The following MAML2 variants were observed in gnomAD, a reference collection of about 807,000 sequenced individuals.
MAML2 encodes the protein mastermind-like protein 2.
A neutral mutation model predicts 96.1 loss-of-function variants in MAML2; 22 were observed. The ratio of observed to expected loss-of-function variants is 0.23; its 90% CI spans 0.16 to 0.33. The LOEUF (loss-of-function observed/expected upper bound fraction) is 0.33. MAML2 is among the 10% of genes least tolerant of loss of function. MAML2 has a pLI of 1.00. For missense variants in MAML2, 1,367 were observed against 1,392.4 expected, an observed-to-expected ratio of 0.98 and a Z score of 0.29; for synonymous variants, 561 against 521.3, an observed-to-expected ratio of 1.08 and a Z score of -1.04.
At chr11:96,210,202 T>C (rs112641965) in intron 1 of MAML2, among the ~76,000 whole-genome samples, 8,582 of 152,200 alleles carry the variant, frequency 0.056, 783 homozygotes, top group African/African-American at 0.2. Context: ...CTCCACCTCC[T>C]GAGTTCAAGC....
intron 1 of MAML2, among the ~76,000 whole-genome samples, chr11:96,316,457 A>G (rs1863634562): frequency 6.6e-6 from 1 of 151,964 alleles, no homozygotes; most frequent in African/African-American, 2.4e-5. Flanking sequence ...GATGTTCAAT[A>G]AGGCTACCAT....
Position 96,109,308 on chromosome 11 carries a change from G to A in MAML2, c.514-15791C>T, listed in dbSNP as rs116334046. On this transcript the variant is annotated intron_variant, in intron 1 of 4. Transcript: ENST00000524717. ...TGGCTTTGACGCCATGCAGAGGAAC[G>A]TGGGCTTCATTATGAAGATCGTGGG... Among the ~76,000 whole-genome samples the A allele has an allele frequency of 4.0e-3, 607 of 152,272 alleles. 7 individuals carry two copies. The highest frequency in any genetic ancestry group is 0.014 in the African/African-American group (569 of 41,556).
chr11:96,235,085 T>C (rs1475099852), intron 1 of MAML2, among the ~76,000 whole-genome samples: 2 of 152,228 alleles, frequency 1.3e-5, no homozygotes, highest in Non-Finnish European at 2.9e-5. Context: ...AGAGCAATTT[T>C]AGCTAATTAA....
chr11:96,037,973 A>G (rs1858745463), intron 2 of MAML2, among the ~76,000 whole-genome samples: 1 of 152,242 alleles, frequency 6.6e-6, no homozygotes, highest in African/African-American at 2.4e-5. Flanking sequence ...ACATTAACGT[A>G]CTAAAGAGAA....
At chr11:96,082,513 C>T (rs927688058) in intron 2 of MAML2, among the ~76,000 whole-genome samples, 7 of 152,078 alleles carry the variant, frequency 4.6e-5, no homozygotes, top group Non-Finnish European at 7.4e-5. Flanking sequence ...GATGTTACAG[C>T]CAGTAGGGAT....
intron 1 of MAML2, among the ~76,000 whole-genome samples, chr11:96,309,286 T>C (rs1863505459): frequency 6.6e-6 from 1 of 152,242 alleles, no homozygotes. Flanking sequence ...AAAACTGCCC[T>C]TTAGTTTAAC....
At chr11:96,089,551 TC>T (rs1231613730) in intron 2 of MAML2, among the ~76,000 whole-genome samples, 2 of 152,252 alleles carry the variant, frequency 1.3e-5, no homozygotes, top group African/African-American at 4.8e-5. Context: ...CTAGAGACAA[TC>T]CCCAGAGAAA....
intron 2 of MAML2, among the ~76,000 whole-genome samples, chr11:96,002,722 GGGGGATGATAAGAAAGATGATC>G (rs1565186383): frequency 0.023 from 1 of 44 alleles, no homozygotes; most frequent in African/African-American, 0.083. Flanking sequence ...GGAGGACGAT[GGGGGATGATAAGAAAGATGATC>G]GGGATGATGA....
At chr11:96,071,813 C>A (rs2135788826) in intron 2 of MAML2, among the ~76,000 whole-genome samples, 1 of 152,248 alleles carries the variant, frequency 6.6e-6, no homozygotes, top group Middle Eastern at 3.4e-3. Context: ...CCTGCATATA[C>A]CTAACATAGA....
At chr11:96,108,230 T>G (rs888826842) in intron 1 of MAML2, among the ~76,000 whole-genome samples, 4 of 152,230 alleles carry the variant, frequency 2.6e-5, no homozygotes, top group African/African-American at 9.6e-5. Context: ...GCTTGGTTGG[T>G]GTGTGGGGAC....
chr11:96,262,778 C>G (rs769340040), intron 1 of MAML2, among the ~76,000 whole-genome samples: 52 of 152,170 alleles, frequency 3.4e-4, no homozygotes, highest in South Asian at 2.1e-4. Context: ...TTTTAATGCT[C>G]TGTTTCATTT....
At position 96,342,250 on chromosome 11, in the gene MAML2, C is replaced by T. The variant is rs1864008506; in HGVS notation, c.-355G>A. On this transcript the variant is annotated 5_prime_UTR_variant, in exon 1 of 5. Transcript: ENST00000524717. Reference sequence around the variant, plus strand: ...ACTAGGTACTTTGTAAACACACGATCTGGGGGTTAGATCAAGAATTCAGGG... The same window carrying T: ...ACTAGGTACTTTGTAAACACACGATTTGGGGGTTAGATCAAGAATTCAGGG... The T allele has an allele frequency of 2.3e-6, 1 of 442,022 alleles. No homozygotes were observed. The allele number at this position is 442,022 out of a possible 1,614,324, so 27.4% of individuals were successfully genotyped here.
intron 3 of MAML2, 36 bp from the exon 4 acceptor site, chr11:95,985,678 C>T: frequency 7.4e-7 from 1 of 1,350,518 alleles, no homozygotes; most frequent in South Asian, 1.3e-5. Context: ...TATGTTGCAT[C>T]ATTCCCTTTT....
intron 1 of MAML2, among the ~76,000 whole-genome samples, chr11:96,098,919 C>T (rs182634752): frequency 1.3e-5 from 2 of 152,330 alleles, no homozygotes; most frequent in East Asian, 3.9e-4. Flanking sequence ...TTTGAAAATG[C>T]CATTATTGCA....
chr11:96,242,407 GGA>G (rs1862449069), intron 1 of MAML2, among the ~76,000 whole-genome samples: 1 of 152,162 alleles, frequency 6.6e-6, no homozygotes, highest in African/African-American at 2.4e-5. Flanking sequence ...GAAAAATACT[GGA>G]GGAGTGGTGA....
chr11:96,285,903 G>A (rs1863132709), intron 1 of MAML2, among the ~76,000 whole-genome samples: 1 of 152,198 alleles, frequency 6.6e-6, no homozygotes, highest in African/African-American at 2.4e-5. Flanking sequence ...AACCATTGTG[G>A]AAGAGAGTGT....
intron 1 of MAML2, among the ~76,000 whole-genome samples, chr11:96,304,009 G>T (rs963922915): frequency 6.6e-6 from 1 of 152,168 alleles, no homozygotes; most frequent in Non-Finnish European, 1.5e-5. Context: ...ATCCAGAGTG[G>T]CCCTCAATCT....
chr11:96,254,126 G>GT (rs2135968639), intron 1 of MAML2, among the ~76,000 whole-genome samples: 1 of 152,138 alleles, frequency 6.6e-6, no homozygotes, highest in East Asian at 1.9e-4. Flanking sequence ...GTGATTTGAT[G>GT]TTAAGCAGTG....
chr11:96,036,955 T>C (rs1858723273), intron 2 of MAML2, among the ~76,000 whole-genome samples: 1 of 152,164 alleles, frequency 6.6e-6, no homozygotes, highest in South Asian at 2.1e-4. Flanking sequence ...CCATCTTAGA[T>C]AAGTGAAAGC....
Sources: gnomAD v4.1 joint callset for allele counts (sites outside exome capture counted in the v4.1 genomes callset) on GRCh38, gnomAD v4.1.1 for gene constraint, MANE v1.5 for transcripts, NCBI Gene and HGNC (gene_info 2026-07-23, HGNC 2026-07-21) for gene names.